Variants in GRIA4 observed in about 807,000 individuals in gnomAD.
The protein encoded by GRIA4 is glutamate receptor 4.
GRIA4 carries 34 observed loss-of-function variants against 104.0 expected under a neutral mutation model. That is an observed-to-expected ratio of 0.33 (90% confidence interval 0.25 to 0.44). The LOEUF is 0.44. Among genes scored for constraint, GRIA4 ranks in the 20% least tolerant of loss-of-function variants. The pLI is 1.00. For synonymous variants in GRIA4, 386 were observed against 381.9 expected (o/e 1.01, Z -0.13); for missense variants, 750 against 1,096.5 (o/e 0.68, Z 4.46).
chr11:105,910,735 G>A (rs1947206590), intron 10 of GRIA4, among the ~76,000 whole-genome samples, 190 bp downstream of exon 10: 1 of 152,102 alleles, frequency 6.6e-6, no homozygotes, highest in Admixed American at 6.6e-5. Context: ...ACTTTTATTT[G>A]TATTATCTTT....
chr11:105,720,459 T>G (rs1034752886), intron 3 of GRIA4, among the ~76,000 whole-genome samples: 8 of 152,014 alleles, frequency 5.3e-5, no homozygotes, highest in African/African-American at 1.9e-4. Flanking sequence ...GCCTATGAAA[T>G]GATGGGTTTC....
At position 105,682,818 on chromosome 11, in the gene GRIA4, A is replaced by G. The variant is rs77941242; in HGVS notation, c.248-70163A>G. Among the ~76,000 whole-genome samples the G allele has an allele frequency of 4.6e-3, 694 of 152,336 alleles. 14 individuals carry two copies. Among genetic ancestry groups the G allele is most frequent in the African/African-American group, 0.016 (648 of 41,574 alleles). On this transcript the variant is annotated intron_variant, in intron 3 of 16. Transcript: ENST00000282499. ...ATGACAGTTGCCTTTACAGTAATGA[A>G]TGATCTGAACCACAGATGCAGTTGT... is the stretch of plus-strand genomic sequence containing the variant.
chr11:105,783,404 G>A (rs927387439), intron 4 of GRIA4, among the ~76,000 whole-genome samples: 1 of 152,196 alleles, frequency 6.6e-6, no homozygotes. Flanking sequence ...CCACACAGCT[G>A]TTACACTGGG....
intron 3 of GRIA4, among the ~76,000 whole-genome samples, chr11:105,693,408 C>T (rs778892428): frequency 1.3e-5 from 2 of 151,950 alleles, no homozygotes; most frequent in Admixed American, 6.6e-5. Context: ...GCAGTGGTTT[C>T]GATTGTGAAA....
Position 105,964,804 on chromosome 11 carries a change from T to G in GRIA4, c.2295-7110T>G, listed in dbSNP as rs113942799. 1.3e-4 allele frequency among the ~76,000 whole-genome samples: 20 copies of G among 149,374 alleles called. 1 individual carries two copies. The highest frequency in any genetic ancestry group is 4.3e-4 in the South Asian group (2 of 4,704). Reference sequence around the variant, plus strand: ...GACATGTTTTTTTTTGTTTTTTTTTTGTTTGTTTGTTTTTGTTTTGAGACG... The same window carrying G: ...GACATGTTTTTTTTTGTTTTTTTTTGGTTTGTTTGTTTTTGTTTTGAGACG... On this transcript the variant is annotated intron_variant, in intron 14 of 16. Transcript: ENST00000282499.
chr11:105,849,822 A>C (rs749936862), intron 4 of GRIA4, among the ~76,000 whole-genome samples: 8 of 152,218 alleles, frequency 5.3e-5, no homozygotes, highest in Non-Finnish European at 1.0e-4. Flanking sequence ...AGCTCTAAAA[A>C]ACAACCCTAG....
intron 4 of GRIA4, among the ~76,000 whole-genome samples, chr11:105,784,399 C>T (rs1471108164): frequency 6.6e-6 from 1 of 152,180 alleles, no homozygotes; most frequent in Non-Finnish European, 1.5e-5. Context: ...TGAATATTCA[C>T]AATTCACTTT....
chr11:105,840,559 C>T (rs1184623805), intron 4 of GRIA4, among the ~76,000 whole-genome samples: 2 of 152,114 alleles, frequency 1.3e-5, no homozygotes, highest in African/African-American at 4.8e-5. Flanking sequence ...AGAAGGCACC[C>T]TGTTGTGCTG....
rs531486373 is a variant in GRIA4, at chr11:105,835,596, G to A, written c.488-26428G>A. Among the ~76,000 whole-genome samples the A allele has an allele frequency of 3.9e-5, 6 of 152,040 alleles. No individual in the cohort carries two copies. In the South Asian group the frequency reaches 8.3e-4, roughly 21 times the overall value. ...TTTTCTTTTTATCATTTAAAGCCATGGATTTTTATTAAATGATTATCTCAC... is the reference window on the plus strand; with the variant it reads ...TTTTCTTTTTATCATTTAAAGCCATAGATTTTTATTAAATGATTATCTCAC... On this transcript the variant is annotated intron_variant, in intron 4 of 16. Coordinates refer to ENST00000282499, the MANE Select transcript of GRIA4 (RefSeq NM_000829.4).
At chr11:105,960,527 T>C (rs1337225936) in intron 14 of GRIA4, among the ~76,000 whole-genome samples, 1 of 152,150 alleles carries the variant, frequency 6.6e-6, no homozygotes, top group African/African-American at 2.4e-5. Context: ...GCTATAGAAA[T>C]GGGTGCTGCC....
At chr11:105,648,665 G>A (rs1396929286) in intron 3 of GRIA4, among the ~76,000 whole-genome samples, 1 of 152,144 alleles carries the variant, frequency 6.6e-6, no homozygotes, top group Non-Finnish European at 1.5e-5. Flanking sequence ...AAGAGAAATC[G>A]AGAGAGGCTA....
intron 4 of GRIA4, among the ~76,000 whole-genome samples, chr11:105,840,136 C>T (rs1944340979): frequency 6.6e-6 from 1 of 152,140 alleles, no homozygotes; most frequent in East Asian, 1.9e-4. Flanking sequence ...CAAGTTATAA[C>T]AGATAATATT....
chr11:105,912,132 A>T (rs1947268964), intron 10 of GRIA4: 14 of 1,062,234 alleles, frequency 1.3e-5, no homozygotes, highest in Non-Finnish European at 1.6e-5. Context: ...ATGTTGACAA[A>T]GAATCACTTA....
chr11:105,717,188 C>T (rs1204663616), intron 3 of GRIA4, among the ~76,000 whole-genome samples: 1 of 151,990 alleles, frequency 6.6e-6, no homozygotes, highest in African/African-American at 2.4e-5. Flanking sequence ...TCCTGAAATC[C>T]CAGTCCAAGC....
intron 3 of GRIA4, among the ~76,000 whole-genome samples, chr11:105,669,946 C>G (rs1390910591): frequency 1.3e-5 from 2 of 152,000 alleles, no homozygotes; most frequent in African/African-American, 4.8e-5. Flanking sequence ...GGCTTCTATA[C>G]CCAGTGAGAA....
At chr11:105,838,143 A>G (rs1944262837) in intron 4 of GRIA4, among the ~76,000 whole-genome samples, 1 of 152,212 alleles carries the variant, frequency 6.6e-6, no homozygotes, top group Admixed American at 6.6e-5. Flanking sequence ...ATTATTTTCT[A>G]ATAAAGATAA....
At chr11:105,821,154 T>C (rs1421970969) in intron 4 of GRIA4, among the ~76,000 whole-genome samples, 1 of 152,132 alleles carries the variant, frequency 6.6e-6, no homozygotes, top group East Asian at 1.9e-4. Context: ...GATAAAAGCT[T>C]AAATTTTCAT....
chr11:105,898,752 C>T (rs1946751655), intron 7 of GRIA4, among the ~76,000 whole-genome samples: 2 of 152,034 alleles, frequency 1.3e-5, no homozygotes, highest in African/African-American at 4.8e-5. Context: ...TTCTCCCACA[C>T]AGAAATCTTC....
At chr11:105,619,201 G>C (rs1484533492) in intron 3 of GRIA4, among the ~76,000 whole-genome samples, 2 of 151,910 alleles carry the variant, frequency 1.3e-5, no homozygotes, top group African/African-American at 4.8e-5. Flanking sequence ...AGCCAGATGA[G>C]TTTGAATTGG....
Sources: allele counts gnomAD v4.1 joint callset (sites outside exome capture counted in the v4.1 genomes callset), GRCh38; gene constraint gnomAD v4.1.1; transcripts MANE v1.5; gene names NCBI Gene and HGNC (gene_info 2026-07-23, HGNC 2026-07-21).